Variants in BMP5 observed in about 807,000 individuals in gnomAD.
BMP5 encodes the protein bone morphogenetic protein 5.
A neutral mutation model predicts 46.6 loss-of-function variants in BMP5; 23 were observed. That is an observed-to-expected ratio of 0.49 (90% CI 0.35 to 0.70). BMP5 has a LOEUF of 0.70. Among genes scored for constraint, BMP5 ranks in the 30% least tolerant of loss-of-function variants. BMP5 has a pLI of 0.00. For synonymous variants in BMP5, 204 were observed against 191.9 expected (o/e 1.06, Z -0.52); for missense variants, 545 against 565.6 (o/e 0.96, Z 0.37).
chr6:55,869,225 G>T (rs1582134548), intron 1 of BMP5, among the ~76,000 whole-genome samples: 1 of 152,222 alleles, frequency 6.6e-6, no homozygotes, highest in East Asian at 1.9e-4. Flanking sequence ...AGGATGAAAG[G>T]GTTTTCCCCT....
Position 55,874,798 on chromosome 6 carries a change from C to T in BMP5, c.68G>A (p.Gly23Asp). The change falls in exon 1 of 7, where the codon GGT becomes GAT. Residue 23 changes from glycine (G) to aspartate (D), a missense_variant. Transcript: ENST00000370830. Reference protein sequence around the residue: ...GFLWSCWVLVGYAKGGLGDNH... With the variant: ...GFLWSCWVLVDYAKGGLGDNH... ...GTCTCCCAAACCTCCTTTTGCATAA[C>T]CCACTAGAACCCAGCAGCTCCAGAG... 1 of 1,613,324 alleles carries T rather than the reference C, an allele frequency of 6.2e-7. No homozygotes were observed. The highest frequency in any genetic ancestry group is 8.5e-7 in the Non-Finnish European group (1 of 1,179,604).
At position 55,815,690 on chromosome 6, in the gene BMP5, C is replaced by T. The variant is rs114305127; in HGVS notation, c.683+3965G>A. ...AAAAATATCAGAGGTGCAAGATAAA[C>T]AAACATTTCATTTTTGTAAGGATAA... On this transcript the variant is annotated intron_variant, in intron 2 of 6. Transcript: ENST00000370830. 7.6e-3 allele frequency among the ~76,000 whole-genome samples: 1,154 copies of T among 152,096 alleles called. 12 individuals are homozygous for T. Among genetic ancestry groups the T allele is most frequent in the African/African-American group, 0.026 (1,077 of 41,504 alleles).
At chr6:55,819,630 A>T in intron 2 of BMP5, 25 bp downstream of exon 2, 1 of 1,558,852 alleles carries the variant, frequency 6.4e-7, no homozygotes. Context: ...TTGCCAGGAT[A>T]ATAAGTTAAA....
chr6:55,837,726 T>C (rs1424856682), intron 1 of BMP5, among the ~76,000 whole-genome samples: 1 of 152,176 alleles, frequency 6.6e-6, no homozygotes, highest in Admixed American at 6.6e-5. Flanking sequence ...CATTCTGTTG[T>C]GCTACCAAAG....
At position 55,754,191 on chromosome 6, in the gene BMP5, T is replaced by A. The variant is rs1774521963; in HGVS notation, c.*1342A>T. The A allele has an allele frequency of 6.6e-6, 1 of 151,916 alleles. No individual in the cohort carries two copies. Among genetic ancestry groups the A allele is most frequent in the Non-Finnish European group, 1.5e-5 (1 of 67,918 alleles). 9.4% of individuals were successfully genotyped at this position (151,916 alleles called of 1,614,324 possible). On this transcript the variant is annotated 3_prime_UTR_variant, in exon 7 of 7. Transcript: ENST00000370830. The stretch of plus-strand genomic sequence containing the variant: ...AATAAGCCTAACCACAGAGTCACCA[T>A]AAATAGCAAGTTATCAATCTAAAGA...
At chr6:55,852,157 A>G (rs1231999587) in intron 1 of BMP5, among the ~76,000 whole-genome samples, 2 of 152,172 alleles carry the variant, frequency 1.3e-5, no homozygotes, top group Admixed American at 1.3e-4. Flanking sequence ...GTTCTATTAT[A>G]GCAATATATA....
intron 4 of BMP5, among the ~76,000 whole-genome samples, chr6:55,762,859 T>G (rs1774820605): frequency 6.6e-6 from 1 of 152,122 alleles, no homozygotes; most frequent in Non-Finnish European, 1.5e-5. Context: ...AGTGGTCTCC[T>G]TGCAACTACT....
In BMP5 at chr6:55,798,501, T is replaced by C. The variant is rs116183170; in HGVS notation, c.684-4074A>G. ...ATGACTAAAATTTGCATTTTCTTTT[T>C]CAGGTAAAATTTCATTGTTCATCTT... is the stretch of plus-strand genomic sequence containing the variant. On this transcript the variant is annotated intron_variant, in intron 2 of 6. Transcript: ENST00000370830. Among the ~76,000 whole-genome samples the C allele has an allele frequency of 5.5e-3, 842 of 152,270 alleles. 4 individuals carry two copies. The highest frequency in any genetic ancestry group is 0.019 in the African/African-American group (791 of 41,560).
At chr6:55,789,506 G>A (rs9688725) in intron 3 of BMP5, among the ~76,000 whole-genome samples, 1,634 of 152,074 alleles carry the variant, frequency 0.011, 31 homozygotes, top group African/African-American at 0.037. Context: ...ATGTGCATAT[G>A]TGTGTAGGAA....
At chr6:55,783,586 A>T (rs929551920) in intron 3 of BMP5, among the ~76,000 whole-genome samples, 1 of 151,984 alleles carries the variant, frequency 6.6e-6, no homozygotes, top group Non-Finnish European at 1.5e-5. Flanking sequence ...AGATATGTCA[A>T]CAATAAGTTA....
chr6:55,842,412 C>T (rs1776984502), intron 1 of BMP5, among the ~76,000 whole-genome samples: 2 of 152,156 alleles, frequency 1.3e-5, no homozygotes, highest in East Asian at 1.9e-4. Flanking sequence ...TCTGTAGCAG[C>T]TACTCTCTGC....
chr6:55,782,620 C>T lies in BMP5; in HGVS notation c.833-8377G>A, dbSNP rs979784118. ...TAGCATAAGTACAACTTCCATATTT[C>T]TATCAGTTGTGTTACTTCAGAGAAA... is the stretch of plus-strand genomic sequence containing the variant. On this transcript the variant is annotated intron_variant, in intron 3 of 6. Transcript: ENST00000370830. Among the ~76,000 whole-genome samples the T allele has an allele frequency of 1.3e-5, 2 of 152,250 alleles. 1 individual carries two copies. The highest frequency in any genetic ancestry group is 4.8e-5 in the African/African-American group (2 of 41,562).
chr6:55,847,252 A>G (rs761559882), intron 1 of BMP5, among the ~76,000 whole-genome samples: 22 of 151,950 alleles, frequency 1.4e-4, no homozygotes, highest in Non-Finnish European at 2.8e-4. Flanking sequence ...CAGGATAAAT[A>G]TCCATGACTT....
At chr6:55,846,813 A>G (rs1777108278) in intron 1 of BMP5, among the ~76,000 whole-genome samples, 1 of 151,098 alleles carries the variant, frequency 6.6e-6, no homozygotes, top group Non-Finnish European at 1.5e-5. Flanking sequence ...CCCAAGTTTT[A>G]TATATTCAAA....
chr6:55,803,384 G>A (rs1775902185), intron 2 of BMP5, among the ~76,000 whole-genome samples: 1 of 151,816 alleles, frequency 6.6e-6, no homozygotes, highest in African/African-American at 2.4e-5. Context: ...TGACAAGGAT[G>A]GACTGTTGTG....
At chr6:55,841,967 A>C (rs1582110861) in intron 1 of BMP5, among the ~76,000 whole-genome samples, 1 of 151,632 alleles carries the variant, frequency 6.6e-6, no homozygotes, top group Admixed American at 6.6e-5. Context: ...AAACATATTT[A>C]TGCATTTCCA....
At chr6:55,813,316 GT>G (rs1448147500) in intron 2 of BMP5, among the ~76,000 whole-genome samples, 1 of 151,878 alleles carries the variant, frequency 6.6e-6, no homozygotes, top group Non-Finnish European at 1.5e-5. Context: ...CACAGAAAGT[GT>G]TGAAGAATTA....
chr6:55,850,385 GATAGA>G (rs1562069936), intron 1 of BMP5, among the ~76,000 whole-genome samples: 16 of 149,400 alleles, frequency 1.1e-4, no homozygotes, highest in African/African-American at 4.1e-4. Flanking sequence ...TAGATAGATA[GATAGA>G]TAGATCGATA....
chr6:55,868,921 A>C (rs1483343350), intron 1 of BMP5, among the ~76,000 whole-genome samples: 10 of 152,236 alleles, frequency 6.6e-5, no homozygotes, highest in Admixed American at 6.5e-4. Context: ...AGATGAGCAA[A>C]TGGGGAAACC....
Sources: allele counts gnomAD v4.1 joint callset (sites outside exome capture counted in the v4.1 genomes callset), GRCh38; gene constraint gnomAD v4.1.1; transcripts MANE v1.5; gene names NCBI Gene and HGNC (gene_info 2026-07-23, HGNC 2026-07-21).